ARHGEF7: variants seen among roughly 807,000 people sequenced by gnomAD.
ARHGEF7 encodes the protein PAK-interacting exchange factor beta.
In ARHGEF7, 33 loss-of-function variants were observed where a neutral mutation model predicts 109.8. That is an observed-to-expected ratio of 0.30 (90% confidence interval 0.23 to 0.40). The LOEUF (loss-of-function observed/expected upper bound fraction) is 0.40. Ranked by LOEUF, ARHGEF7 falls within the 10% of genes least tolerant of loss-of-function variation. ARHGEF7 has a pLI of 1.00. For synonymous variants in ARHGEF7, 458 were observed against 424.6 expected, an observed-to-expected ratio of 1.08 and a Z score of -0.97; for missense variants, 938 against 1,098.5, an observed-to-expected ratio of 0.85 and a Z score of 2.07.
chr13:111,185,284 T>G (rs982458539), intron 2 of ARHGEF7: 14 of 152,456 alleles, frequency 9.2e-5, no homozygotes, highest in African/African-American at 2.9e-4. Flanking sequence ...TGGGGCTCCC[T>G]TACAAGTGCT....
chr13:111,286,468 C>T (rs141106597), intron 17 of ARHGEF7, among the ~76,000 whole-genome samples: 33 of 152,310 alleles, frequency 2.2e-4, no homozygotes, highest in African/African-American at 7.5e-4. Context: ...GGCACCACTG[C>T]CTTATAGCCC....
intron 1 of ARHGEF7, among the ~76,000 whole-genome samples, chr13:111,151,384 T>A (rs189653429): frequency 6.6e-6 from 1 of 152,346 alleles, no homozygotes; most frequent in East Asian, 1.9e-4. Flanking sequence ...CTGCACTGGC[T>A]GAGAAGGGTT....
intron 2 of ARHGEF7, chr13:111,187,093 C>T: frequency 1.2e-6 from 1 of 844,492 alleles, no homozygotes; most frequent in African/African-American, 1.8e-5. Flanking sequence ...GTCAGTGTGT[C>T]CTTTTGCGTG....
chr13:111,159,002 T>G, intron 2 of ARHGEF7: 1 of 718,146 alleles, frequency 1.4e-6, no homozygotes, highest in Non-Finnish European at 2.6e-6. Flanking sequence ...ACCCTTTGAC[T>G]AACATCTCCC....
At chr13:111,278,758 A>C (rs910078714) in intron 13 of ARHGEF7, among the ~76,000 whole-genome samples, 1 of 152,168 alleles carries the variant, frequency 6.6e-6, no homozygotes, top group Non-Finnish European at 1.5e-5. Flanking sequence ...GGTCAGCACT[A>C]TCTGGCTTCC....
chr13:111,219,054 A>G (rs1016886435), intron 5 of ARHGEF7, among the ~76,000 whole-genome samples: 1 of 152,188 alleles, frequency 6.6e-6, no homozygotes, highest in Non-Finnish European at 1.5e-5. Flanking sequence ...CATTTTTACC[A>G]GTTCTAAGTG....
At chr13:111,302,418 GGAACTGGACA>G (rs1362632352) in intron 21 of ARHGEF7, among the ~76,000 whole-genome samples, 1 of 152,230 alleles carries the variant, frequency 6.6e-6, no homozygotes, top group African/African-American at 2.4e-5. Context: ...GTTGCTGTGT[GGAACTGGACA>G]TGTGCTGTCA....
intron 8 of ARHGEF7, among the ~76,000 whole-genome samples, chr13:111,253,669 C>T (rs2090063646): frequency 6.6e-6 from 1 of 152,188 alleles, no homozygotes; most frequent in Admixed American, 6.5e-5. Flanking sequence ...CCAGAGTCTC[C>T]ACCAAGCCTG....
intron 5 of ARHGEF7, among the ~76,000 whole-genome samples, chr13:111,223,220 T>A (rs1308504316): frequency 6.6e-6 from 1 of 152,230 alleles, no homozygotes; most frequent in African/African-American, 2.4e-5. Flanking sequence ...GCTTTCTGAT[T>A]TTGGAATTAG....
intron 8 of ARHGEF7, chr13:111,265,404 T>C: frequency 2.8e-6 from 1 of 353,710 alleles, no homozygotes; most frequent in Non-Finnish European, 5.6e-6. Context: ...AGCATAAATT[T>C]TGAGTGCTCT....
At chr13:111,162,213 G>A (rs2076802434) in intron 2 of ARHGEF7, among the ~76,000 whole-genome samples, 1 of 152,190 alleles carries the variant, frequency 6.6e-6, no homozygotes. Flanking sequence ...CCCTTAGGAA[G>A]ATGGAAAACT....
chr13:111,122,356 G>T (rs1045389130), intron 1 of ARHGEF7, among the ~76,000 whole-genome samples: 1 of 152,258 alleles, frequency 6.6e-6, no homozygotes, highest in Non-Finnish European at 1.5e-5. Context: ...AGAGGGCTTT[G>T]GGGCCGCCCC....
chr13:111,252,035 C>T (rs551379683), intron 8 of ARHGEF7, among the ~76,000 whole-genome samples: 1 of 152,316 alleles, frequency 6.6e-6, no homozygotes, highest in East Asian at 1.9e-4. Context: ...TGCCCTGGGG[C>T]CTTGTCCTCC....
intron 21 of ARHGEF7, among the ~76,000 whole-genome samples, chr13:111,302,103 A>G (rs2093581689): frequency 6.6e-6 from 1 of 152,198 alleles, no homozygotes; most frequent in Non-Finnish European, 1.5e-5. Flanking sequence ...TCTGGTGACA[A>G]ATCCTGCGAG....
In ARHGEF7 at chr13:111,234,215, G is replaced by A. The variant is rs370480204; in HGVS notation, c.759+922G>A. ...TTGTGCAGCAGTCATTTTCTTGTGA[G>A]CATTTCATTTTCTGCACCTGTGTTG... is the stretch of plus-strand genomic sequence containing the variant. On this transcript the variant is annotated intron_variant, in intron 6 of 21. Coordinates refer to ENST00000646102, the MANE Select transcript of ARHGEF7 (RefSeq NM_001354046.2). Among the ~76,000 whole-genome samples the A allele has an allele frequency of 3.9e-5, 6 of 152,300 alleles. No homozygotes were observed. The East Asian group carries it at 1.2e-3, about 29-fold the overall frequency.
chr13:111,147,165 G>A (rs1402700777), intron 1 of ARHGEF7, among the ~76,000 whole-genome samples: 1 of 152,204 alleles, frequency 6.6e-6, no homozygotes, highest in African/African-American at 2.4e-5. Flanking sequence ...GAACATTGCT[G>A]TACATGGCTT....
At chr13:111,277,336 TG>T (rs992475025) in intron 12 of ARHGEF7, among the ~76,000 whole-genome samples, 11 of 152,378 alleles carry the variant, frequency 7.2e-5, no homozygotes, top group African/African-American at 2.6e-4. Flanking sequence ...TTTTGTTTTT[TG>T]AAGAATTTGG....
At position 111,266,808 on chromosome 13, in the gene ARHGEF7, G is replaced by A. The variant is rs778861185; in HGVS notation, c.951-740G>A. 9 of 455,910 alleles carry A rather than the reference G, an allele frequency of 2.0e-5. No homozygotes were observed. The highest frequency in any genetic ancestry group is 3.2e-4 in the Middle Eastern group (1 of 3,092). 28.2% of individuals were successfully genotyped at this position (455,910 alleles called of 1,614,324 possible). On this transcript the variant is annotated intron_variant, in intron 8 of 21. Transcript: ENST00000646102. The surrounding 1 kb of genome is among the most constrained non-coding windows in gnomAD (Gnocchi z 4.8). ...TGCAGGGAAGGTGGTAAGAGTTCAC[G>A]TGGTTCTCCTGTTTTCAGCACACGT...
chr13:111,130,321 C>T (rs2074675841), intron 1 of ARHGEF7, among the ~76,000 whole-genome samples: 1 of 152,152 alleles, frequency 6.6e-6, no homozygotes, highest in Non-Finnish European at 1.5e-5. Flanking sequence ...GCACAGTTTA[C>T]ATATGAGCAG....
Sources: gnomAD v4.1 joint callset for allele counts (sites outside exome capture counted in the v4.1 genomes callset) on GRCh38, gnomAD v4.1.1 for gene constraint, Gnocchi (gnomAD v3.1) non-coding constraint, MANE v1.5 for transcripts, NCBI Gene and HGNC (gene_info 2026-07-23, HGNC 2026-07-21) for gene names.